Variants in PCDHGA2 observed in about 807,000 individuals in gnomAD.
PCDHGA2 encodes the protein protocadherin gamma subfamily A, 2.
In PCDHGA2, 40 loss-of-function variants were observed where a neutral mutation model predicts 59.2. The ratio of observed to expected loss-of-function variants is 0.68; its 90% CI spans 0.52 to 0.88. The LOEUF is 0.88. Ranked by LOEUF, PCDHGA2 falls within the 40% of genes least tolerant of loss-of-function variation. The pLI is 0.00. For missense variants in PCDHGA2, 1,226 were observed against 1,204.0 expected (o/e 1.02, Z -0.27); for synonymous variants, 560 against 526.0 (o/e 1.06, Z -0.89).
intron 1 of PCDHGA2, chr5:141,357,158 CT>C (rs1186682296): frequency 1.2e-6 from 2 of 1,613,554 alleles, no homozygotes; most frequent in Middle Eastern, 1.6e-4. Flanking sequence ...GGCCAGCCCC[CT>C]CTCTCGGCCA....
chr5:141,393,453 G>T lies in PCDHGA2; in HGVS notation c.2424+52058G>T, dbSNP rs373805221. On this transcript the variant is annotated intron_variant, in intron 1 of 3. Transcript: ENST00000394576. ...GGCTGCTCACCACCTGGTCCTCACG[G>T]CCTCGGATGGCGGCAAGCCGCCTCG... 6.6e-5 allele frequency: 107 copies of T among 1,614,038 alleles called. 2 individuals carry two copies. In the South Asian group the frequency reaches 1.0e-3, roughly 15 times the overall value.
At position 141,477,379 on chromosome 5, in the gene PCDHGA2, A is replaced by T; in HGVS notation, c.2425-17428A>T. Reference sequence around the variant, plus strand: ...CAGACCTGGATCGGGAGACTGTGCCAGAATACAACCTCAGCATCACCGCCC... The same window carrying T: ...CAGACCTGGATCGGGAGACTGTGCCTGAATACAACCTCAGCATCACCGCCC... On this transcript the variant is annotated intron_variant, in intron 1 of 3. Transcript: ENST00000394576. The surrounding 1 kb of genome is among the most constrained non-coding windows in gnomAD (Gnocchi z 4.9). 1.2e-6 allele frequency: 2 copies of T among 1,614,184 alleles called. No individual in the cohort carries two copies. The highest frequency in any genetic ancestry group is 1.7e-6 in the Non-Finnish European group (2 of 1,180,034).
In PCDHGA2 at chr5:141,490,113, C is replaced by G. The variant is rs2099696295; in HGVS notation, c.2425-4694C>G. Reference sequence around the variant, plus strand: ...ACCACACATCTGAGGCAGTGCGGAACCTCTTTGGCCTAGACCCTAGCAGTG... The same window carrying G: ...ACCACACATCTGAGGCAGTGCGGAAGCTCTTTGGCCTAGACCCTAGCAGTG... On this transcript the variant is annotated intron_variant, in intron 1 of 3. Transcript: ENST00000394576. This position sits in a 1 kb window ranked among gnomAD's most constrained non-coding sequence, Gnocchi z 5.4. 1 of 1,614,258 alleles carries G rather than the reference C, an allele frequency of 6.2e-7. No individual in the cohort carries two copies.
intron 1 of PCDHGA2, among the ~76,000 whole-genome samples, chr5:141,469,392 T>C (rs2099199760): frequency 6.6e-6 from 1 of 152,046 alleles, no homozygotes; most frequent in South Asian, 2.1e-4. Flanking sequence ...CTGGCCAACA[T>C]GGTGAAACCC....
chr5:141,499,047 GA>G (rs2099789201), intron 2 of PCDHGA2, among the ~76,000 whole-genome samples: 1 of 151,580 alleles, frequency 6.6e-6, no homozygotes, highest in South Asian at 2.1e-4. Flanking sequence ...GAAAAAGGGA[GA>G]AAAAATGAAG....
chr5:141,388,793 T>C, intron 1 of PCDHGA2: 1 of 1,613,918 alleles, frequency 6.2e-7, no homozygotes, highest in South Asian at 1.1e-5. Flanking sequence ...CTGTTTTAAA[T>C]ACATTAGATT....
chr5:141,344,045 C>T, intron 1 of PCDHGA2: 2 of 1,555,600 alleles, frequency 1.3e-6, no homozygotes, highest in Non-Finnish European at 1.7e-6. Flanking sequence ...TGACCAATTG[C>T]CTGAGTTTCC....
In PCDHGA2 at chr5:141,493,364, TTGGAAC is replaced by T. The variant is rs1405602213; in HGVS notation, c.2425-1441_2425-1436del. Among the ~76,000 whole-genome samples, 1 of 152,184 alleles carries T rather than the reference TTGGAAC, an allele frequency of 6.6e-6. No homozygotes were observed. Among genetic ancestry groups the T allele is most frequent in the South Asian group, 2.1e-4 (1 of 4,824 alleles). On this transcript the variant is annotated intron_variant, in intron 1 of 3. Coordinates refer to ENST00000394576, the MANE Select transcript of PCDHGA2 (RefSeq NM_018915.4). The surrounding 1 kb of genome is among the most constrained non-coding windows in gnomAD (Gnocchi z 4.3). Reference sequence around the variant, plus strand: ...ATGTGTGCTTTTAATTTCTTGGCACTTGGAACTTTAAAAGCTTGAGGACAGGAGAGG... The same window carrying T: ...ATGTGTGCTTTTAATTTCTTGGCACTTTTAAAAGCTTGAGGACAGGAGAGG...
At position 141,432,580 on chromosome 5, in the gene PCDHGA2, T is replaced by C. The variant is rs773087131; in HGVS notation, c.2425-62227T>C. 20 of 1,613,202 alleles carry C rather than the reference T, an allele frequency of 1.2e-5. No individual in the cohort carries two copies. The highest frequency in any genetic ancestry group is 4.0e-5 in the African/African-American group (3 of 74,662). On this transcript the variant is annotated intron_variant, in intron 1 of 3. Transcript: ENST00000394576. The surrounding 1 kb of genome is among the most constrained non-coding windows in gnomAD (Gnocchi z 6.0). ...GCCAGAACGCCTGGCTGTCCTACCG[T>C]CTGCTCAAGGCCAGCGAGCCGGGAC... is the stretch of plus-strand genomic sequence containing the variant.
rs769573354 is a variant in PCDHGA2, at chr5:141,340,918, C to T, written c.1947C>T (p.His649=). Residue 649 remains histidine, a synonymous_variant, in exon 1 of 4, where the codon CAC becomes CAT. Transcript: ENST00000394576. ...KQSLVVAIQD[H]GQPPLSATVT... is the part of the protein sequence containing the mutation. ...GCCTCGTGGTGGCCATCCAGGACCACGGCCAGCCCCCTCTCTCCGCCACTG... is the reference window on the plus strand; with the variant it reads ...GCCTCGTGGTGGCCATCCAGGACCATGGCCAGCCCCCTCTCTCCGCCACTG... 4.3e-6 allele frequency: 7 copies of T among 1,613,668 alleles called. No individual in the cohort carries two copies. Among genetic ancestry groups the T allele is most frequent in the South Asian group, 3.3e-5 (3 of 91,058 alleles).
intron 1 of PCDHGA2, among the ~76,000 whole-genome samples, chr5:141,373,529 AG>A (rs1769656388): frequency 6.6e-6 from 1 of 152,196 alleles, no homozygotes; most frequent in African/African-American, 2.4e-5. Context: ...TCTCCAAAAA[AG>A]TGTTTGTGGT....
chr5:141,432,374 C>A lies in PCDHGA2; in HGVS notation c.2425-62433C>A. 2.5e-6 allele frequency: 4 copies of A among 1,614,240 alleles called. No individual in the cohort carries two copies. Among genetic ancestry groups the A allele is most frequent in the Non-Finnish European group, 3.4e-6 (4 of 1,180,042 alleles). On this transcript the variant is annotated intron_variant, in intron 1 of 3. Coordinates refer to ENST00000394576, the MANE Select transcript of PCDHGA2 (RefSeq NM_018915.4). This position sits in a 1 kb window ranked among gnomAD's most constrained non-coding sequence, Gnocchi z 6.0. ...GAAAGTGATGGCGCGGGACAACGGG[C>A]ACCCGCCCCTCAGCAGCAACGTGTC...
intron 1 of PCDHGA2, chr5:141,345,080 C>A (rs1405039338): frequency 6.2e-7 from 1 of 1,613,978 alleles, no homozygotes; most frequent in East Asian, 2.2e-5. Flanking sequence ...AAATTACAAT[C>A]ACGTCTCTCA....
Position 141,339,725 on chromosome 5 carries a change from C to T in PCDHGA2, c.754C>T (p.Pro252Ser), listed in dbSNP as rs1472061539. 4 of 1,614,026 alleles carry T rather than the reference C, an allele frequency of 2.5e-6. No individual in the cohort carries two copies. The highest frequency in any genetic ancestry group is 3.4e-6 in the Non-Finnish European group (4 of 1,180,014). The change falls in exon 1 of 4, where the codon CCG becomes TCG. Residue 252 changes from proline (P) to serine (S), a missense_variant. Transcript: ENST00000394576. ...ACAGCCCGAGTACCGCATAAGCATT[C>T]CGGAGAATACGCTCGTGGGCACCCG... ...FTQPEYRISI[P>S]ENTLVGTRIL...
At chr5:141,400,943 T>G (rs1253479872) in intron 1 of PCDHGA2, among the ~76,000 whole-genome samples, 1 of 152,260 alleles carries the variant, frequency 6.6e-6, no homozygotes, top group East Asian at 1.9e-4. Flanking sequence ...CTTTCTTCAC[T>G]GATTTCACTG....
intron 1 of PCDHGA2, chr5:141,393,662 A>G (rs1442061423): frequency 6.2e-7 from 1 of 1,613,816 alleles, no homozygotes; most frequent in African/African-American, 1.3e-5. Context: ...AATTCCGGAA[A>G]ATTAATGAAA....
In PCDHGA2 at chr5:141,511,070, G is replaced by A. The variant is rs1341623011; in HGVS notation, c.2696G>A (p.Gly899Asp). ...PDYRQNVYIP[G>D]SNATLTNAAG... ...TACCGCCAGAATGTCTACATCCCAG[G>A]CAGCAATGCCACACTGACCAACGCA... The change falls in exon 4 of 4, where the codon GGC (glycine) becomes GAC (aspartate). Residue 899 changes from glycine to aspartate, a missense_variant. Physicochemically the swap from Gly to Asp is moderately conservative, Grantham distance 94 (BLOSUM62 -1). Transcript: ENST00000394576. 2.5e-6 allele frequency: 4 copies of A among 1,614,218 alleles called. No homozygotes were observed. Among genetic ancestry groups the A allele is most frequent in the Admixed American group, 1.7e-5 (1 of 60,030 alleles).
chr5:141,410,414 G>A lies in PCDHGA2; in HGVS notation c.2424+69019G>A, dbSNP rs201698858. On this transcript the variant is annotated intron_variant, in intron 1 of 3. Coordinates refer to ENST00000394576, the MANE Select transcript of PCDHGA2 (RefSeq NM_018915.4). ...TGGTCTCTGTGTCAAGTCTGGACCT[G>A]TAGTTCCCCCCAACTACAGTGAGGG... 2.0e-4 allele frequency: 326 copies of A among 1,613,916 alleles called. 1 individual carries two copies. The highest frequency in any genetic ancestry group is 2.7e-4 in the Non-Finnish European group (315 of 1,179,910).
At position 141,438,276 on chromosome 5, in the gene PCDHGA2, ATAATT is replaced by A. The variant is rs533892835; in HGVS notation, c.2425-56526_2425-56522del. ...TGAAGAGACCATAGAATCAAACAAA[ATAATT>A]TAATCTGTATGTAAAAGAAGTTGGT... On this transcript the variant is annotated intron_variant, in intron 1 of 3. Coordinates refer to ENST00000394576, the MANE Select transcript of PCDHGA2 (RefSeq NM_018915.4). 1.4e-3 allele frequency among the ~76,000 whole-genome samples: 213 copies of A among 152,246 alleles called. 1 individual carries two copies. The highest frequency in any genetic ancestry group is 4.8e-3 in the African/African-American group (199 of 41,534).
Sources: allele counts gnomAD v4.1 joint callset (sites outside exome capture counted in the v4.1 genomes callset), GRCh38; gene constraint gnomAD v4.1.1; non-coding constraint Gnocchi (gnomAD v3.1); transcripts MANE v1.5; gene names NCBI Gene and HGNC (gene_info 2026-07-23, HGNC 2026-07-21).